The following VPS50 variants were observed in gnomAD, a reference collection of about 807,000 sequenced individuals.
The protein encoded by VPS50 is VPS50 subunit of EARP/GARPII complex, also known as syndetin.
A neutral mutation model predicts 139.7 loss-of-function variants in VPS50; 70 were observed. The observed-to-expected ratio is 0.50, with a 90% confidence interval of 0.41 to 0.61. The LOEUF (loss-of-function observed/expected upper bound fraction) is 0.61. VPS50 is among the 20% of genes least tolerant of loss of function. The pLI, the probability that VPS50 is intolerant of heterozygous loss-of-function variation, is 0.00. For missense variants in VPS50, 921 were observed against 1,133.7 expected, an observed-to-expected ratio of 0.81 and a Z score of 2.69; for synonymous variants, 365 against 376.7, an observed-to-expected ratio of 0.97 and a Z score of 0.36.
intron 12 of VPS50, among the ~76,000 whole-genome samples, chr7:93,282,437 A>G (rs1584423724): frequency 6.6e-6 from 1 of 152,180 alleles, no homozygotes; most frequent in Non-Finnish European, 1.5e-5. Context: ...AAATCACGAG[A>G]AATGAAATTG....
intron 12 of VPS50, among the ~76,000 whole-genome samples, chr7:93,287,611 C>T (rs955701247): frequency 6.6e-6 from 1 of 151,926 alleles, no homozygotes; most frequent in Non-Finnish European, 1.5e-5. Flanking sequence ...ACTAACATTG[C>T]CTTTTTCTTA....
At position 93,262,733 on chromosome 7, in the gene VPS50, G is replaced by A. The variant is rs28519554; in HGVS notation, c.659+3101G>A. Among the ~76,000 whole-genome samples the A allele has an allele frequency of 2.7e-3, 411 of 152,286 alleles. 1 individual carries two copies. The highest frequency in any genetic ancestry group is 9.7e-3 in the African/African-American group (403 of 41,556). ...GCAGGGCTATCAGTTGGAGCTGTCTGGTGGTGATGATAGCCCCTCCGCTAG... is the reference window on the plus strand; with the variant it reads ...GCAGGGCTATCAGTTGGAGCTGTCTAGTGGTGATGATAGCCCCTCCGCTAG... On this transcript the variant is annotated intron_variant, in intron 9 of 27. Transcript: ENST00000305866.
intron 16 of VPS50, among the ~76,000 whole-genome samples, chr7:93,298,118 A>G (rs1195431044): frequency 1.3e-5 from 2 of 152,290 alleles, no homozygotes; most frequent in South Asian, 2.1e-4. Context: ...ATTAATTATT[A>G]TATATATTTG....
intron 27 of VPS50, among the ~76,000 whole-genome samples, chr7:93,357,261 G>A (rs1398691705): frequency 2.0e-5 from 3 of 152,152 alleles, no homozygotes; most frequent in Non-Finnish European, 2.9e-5. Context: ...CAAGAATGAT[G>A]CCCGTTTTTT....
At chr7:93,306,455 G>A (rs1261783493) in intron 18 of VPS50, among the ~76,000 whole-genome samples, 1 of 151,768 alleles carries the variant, frequency 6.6e-6, no homozygotes, top group Non-Finnish European at 1.5e-5. Flanking sequence ...TGCCTGGCAG[G>A]GATATTTTTT....
intron 16 of VPS50, among the ~76,000 whole-genome samples, chr7:93,302,829 G>C (rs1797016325): frequency 1.3e-5 from 2 of 152,030 alleles, no homozygotes; most frequent in Non-Finnish European, 2.9e-5. Context: ...CCTATATCAT[G>C]TGCTGATTAC....
chr7:93,350,977 C>G (rs1317952762), intron 25 of VPS50, among the ~76,000 whole-genome samples: 2 of 152,134 alleles, frequency 1.3e-5, no homozygotes, highest in African/African-American at 4.8e-5. Flanking sequence ...ACCAAGTCAA[C>G]AAATAAGAGC....
At chr7:93,248,572 CAA>C (rs1386236070) in intron 2 of VPS50, among the ~76,000 whole-genome samples, 3 of 152,096 alleles carry the variant, frequency 2.0e-5, no homozygotes, top group African/African-American at 7.2e-5. Context: ...ACTATTGAAA[CAA>C]GAGCATATTG....
intron 18 of VPS50, 56 bp from the exon 19 acceptor site, chr7:93,308,768 A>T: frequency 4.8e-6 from 4 of 841,214 alleles, no homozygotes; most frequent in Non-Finnish European, 8.0e-6. Context: ...GTGTTGAGAC[A>T]CCCCACGAAA....
intron 20 of VPS50, among the ~76,000 whole-genome samples, chr7:93,321,707 T>C (rs1333377575): frequency 6.6e-6 from 1 of 152,222 alleles, no homozygotes; most frequent in African/African-American, 2.4e-5. Flanking sequence ...TAATAATCGA[T>C]TTTTATATCC....
chr7:93,308,849 G>C lies in VPS50; in HGVS notation c.1655G>C (p.Ser552Thr). 1.9e-6 allele frequency: 3 copies of C among 1,603,114 alleles called. No individual in the cohort carries two copies. Among genetic ancestry groups the C allele is most frequent in the Non-Finnish European group, 2.6e-6 (3 of 1,171,060 alleles). The change falls in exon 19 of 28, where the codon AGT (serine) becomes ACT (threonine). Residue 552 changes from serine to threonine, a missense_variant. Ser to Thr is a moderately conservative substitution (Grantham distance 58). This residue lies in a region of VPS50 where 744 missense variants were observed against 930.6 expected (regional missense o/e 0.80). Coordinates refer to ENST00000305866, the MANE Select transcript of VPS50 (RefSeq NM_017667.4). ...TATGAATCTGATGAACAAGAAAAGAGTGCCTATCAAGAGTATGACAGTGAC... is the reference window on the plus strand; with the variant it reads ...TATGAATCTGATGAACAAGAAAAGACTGCCTATCAAGAGTATGACAGTGAC... ...NGYESDEQEKSAYQEYDSDSD... is the reference protein window; with the variant it reads ...NGYESDEQEKTAYQEYDSDSD...
chr7:93,261,396 G>T (rs757443642), intron 9 of VPS50, among the ~76,000 whole-genome samples: 12 of 152,134 alleles, frequency 7.9e-5, no homozygotes, highest in Non-Finnish European at 1.5e-4. Flanking sequence ...TTAGGCTGTA[G>T]GCCGGGCGCG....
chr7:93,288,032 G>A (rs562622776), intron 12 of VPS50, among the ~76,000 whole-genome samples: 1 of 152,188 alleles, frequency 6.6e-6, no homozygotes, highest in East Asian at 1.9e-4. Flanking sequence ...CAGTCATGGC[G>A]GGAGGCAAAT....
intron 20 of VPS50, among the ~76,000 whole-genome samples, chr7:93,322,582 A>G (rs991315152): frequency 1.4e-5 from 2 of 141,270 alleles, no homozygotes; most frequent in African/African-American, 5.5e-5. Flanking sequence ...CCTGGGCGAC[A>G]GAGCGAGACT....
intron 25 of VPS50, among the ~76,000 whole-genome samples, 187 bp downstream of exon 25, chr7:93,350,220 G>A (rs543676889): frequency 6.6e-6 from 1 of 152,228 alleles, no homozygotes; most frequent in East Asian, 1.9e-4. Flanking sequence ...AGAATACGTC[G>A]TAGATTTTTT....
intron 17 of VPS50, among the ~76,000 whole-genome samples, chr7:93,305,184 C>T (rs1031368816): frequency 6.6e-6 from 1 of 151,890 alleles, no homozygotes; most frequent in African/African-American, 2.4e-5. Context: ...GAACTTTGCA[C>T]TGAATCCCTT....
chr7:93,346,744 AAT>A (rs1798406635), intron 23 of VPS50, among the ~76,000 whole-genome samples: 1 of 142,850 alleles, frequency 7.0e-6, no homozygotes, highest in East Asian at 2.1e-4. Flanking sequence ...CTATTTAATA[AAT>A]GGTGCTTGGA....
intron 18 of VPS50, 24 bp downstream of exon 18, chr7:93,306,028 A>G: frequency 6.3e-7 from 1 of 1,576,088 alleles, no homozygotes; most frequent in Non-Finnish European, 8.7e-7. Flanking sequence ...GTGAAACATA[A>G]GTGAGTTTTT....
chr7:93,289,811 C>T (rs190852275), intron 12 of VPS50, among the ~76,000 whole-genome samples: 1 of 151,932 alleles, frequency 6.6e-6, no homozygotes, highest in Admixed American at 6.6e-5. Flanking sequence ...TATCATATAC[C>T]AGATTTGTAT....
Sources: allele counts gnomAD v4.1 joint callset (sites outside exome capture counted in the v4.1 genomes callset), GRCh38; gene constraint gnomAD v4.1.1; regional missense constraint gnomAD v4.1.1; transcripts MANE v1.5; gene names NCBI Gene and HGNC (gene_info 2026-07-23, HGNC 2026-07-21).